The following MMP2 variants were observed in gnomAD, a reference collection of about 807,000 sequenced individuals.
MMP2 encodes matrix metallopeptidase 2, also known as 72 kDa type IV collagenase.
In MMP2, 39 loss-of-function variants were observed where a neutral mutation model predicts 74.8. That is an observed-to-expected ratio of 0.52 (90% CI 0.40 to 0.68). MMP2 has a LOEUF of 0.68. MMP2 is among the 30% of genes least tolerant of loss of function. MMP2 has a pLI of 0.00. For synonymous variants in MMP2, 367 were observed against 339.8 expected, an observed-to-expected ratio of 1.08 and a Z score of -0.88; for missense variants, 803 against 878.3, an observed-to-expected ratio of 0.91 and a Z score of 1.08.
At chr16:55,494,751 G>A (rs566323994) in intron 9 of MMP2, among the ~76,000 whole-genome samples, 1 of 152,360 alleles carries the variant, frequency 6.6e-6, no homozygotes, top group African/African-American at 2.4e-5. Flanking sequence ...ATGGAGAACT[G>A]ACATGGCAAG....
chr16:55,502,715 C>A, intron 11 of MMP2, 64 bp from the exon 12 acceptor site: 1 of 1,467,094 alleles, frequency 6.8e-7, no homozygotes, highest in South Asian at 1.1e-5. Flanking sequence ...TGCTCCCATC[C>A]AGGCCAGGGG....
In MMP2 at chr16:55,479,462, G is replaced by A; in HGVS notation, c.-18G>A. 1.3e-6 allele frequency: 2 copies of A among 1,521,170 alleles called. No homozygotes were observed. The highest frequency in any genetic ancestry group is 1.8e-6 in the Non-Finnish European group (2 of 1,135,592). The allele number at this position is 1,521,170 out of a possible 1,614,324, so 94.2% of individuals were successfully genotyped here. A position where few individuals can be genotyped will look rare whatever the true frequency, so the allele number is the denominator to read the frequency against. ...GCCAGCGACCCCCGGGCGACGCGCG[G>A]GGCCAGGGAGCGCTACGATGGAGGC... On this transcript the variant is annotated 5_prime_UTR_variant, in exon 1 of 13. Coordinates refer to ENST00000219070, the MANE Select transcript of MMP2 (RefSeq NM_004530.6).
At chr16:55,503,162 G>A (rs1962713086) in intron 12 of MMP2, among the ~76,000 whole-genome samples, 2 of 152,226 alleles carry the variant, frequency 1.3e-5, no homozygotes. Flanking sequence ...TGGGCCAGGG[G>A]AGAAGGAACA....
intron 1 of MMP2, 49 bp from the exon 2 acceptor site, chr16:55,482,860 G>T (rs769461711): frequency 1.3e-6 from 2 of 1,518,118 alleles, no homozygotes; most frequent in Non-Finnish European, 1.8e-6. Context: ...GGTCAGTACT[G>T]TGCCATCCTA....
chr16:55,481,698 G>A, intron 1 of MMP2: 1 of 588,254 alleles, frequency 1.7e-6, no homozygotes, highest in Non-Finnish European at 3.1e-6. Flanking sequence ...TGCAGTGGGG[G>A]CTTAAGAAGA....
chr16:55,505,200 C>G (rs1312092679), intron 12 of MMP2, 139 bp from the exon 13 acceptor site: 2 of 799,730 alleles, frequency 2.5e-6, no homozygotes, highest in Non-Finnish European at 4.4e-6. Flanking sequence ...AGCAATCCTC[C>G]TGCCTCAGCC....
At position 55,505,551 on chromosome 16, in the gene MMP2, C is replaced by T; in HGVS notation, c.*109C>T. ...CCTGGCAGCCGTGCCTTCAGCTCTA[C>T]AGCTAATCAGCATTCTCACTCCTAC... On this transcript the variant is annotated 3_prime_UTR_variant, in exon 13 of 13. Transcript: ENST00000219070. The T allele has an allele frequency of 2.3e-6, 2 of 864,752 alleles. No homozygotes were observed. The highest frequency in any genetic ancestry group is 3.9e-6 in the Non-Finnish European group (2 of 508,794). The allele number at this position is 864,752 out of a possible 1,614,324, so 53.6% of individuals were successfully genotyped here. A position where few individuals can be genotyped will look rare whatever the true frequency, so the allele number is the denominator to read the frequency against.
At position 55,498,283 on chromosome 16, in the gene MMP2, C is replaced by A; in HGVS notation, c.1610-6C>A. On this transcript the variant is annotated splice_region_variant and splice_polypyrimidine_tract_variant and intron_variant, in intron 10 of 12. Coordinates refer to ENST00000219070, the MANE Select transcript of MMP2 (RefSeq NM_004530.6). ...CCAGCCAACACACCCTTTGCTTCCACCCCAGGGAATGAATACTGGATCTAC... is the reference window on the plus strand; with the variant it reads ...CCAGCCAACACACCCTTTGCTTCCAACCCAGGGAATGAATACTGGATCTAC... 2.5e-6 allele frequency: 4 copies of A among 1,613,948 alleles called. No homozygotes were observed. The highest frequency in any genetic ancestry group is 3.4e-6 in the Non-Finnish European group (4 of 1,179,976).
chr16:55,493,286 A>C lies in MMP2; in HGVS notation c.1465A>C (p.Lys489Gln). Residue 489 changes from lysine to glutamine, a missense_variant, in exon 9 of 13, where the codon AAG becomes CAG. Lys to Gln is a moderately conservative substitution (Grantham distance 53, BLOSUM62 1). Coordinates refer to ENST00000219070, the MANE Select transcript of MMP2 (RefSeq NM_004530.6). ...GATCCGTGGTGAGATCTTCTTCTTC[A>C]AGGACCGGTGAGTGCAGGAGCTTGC... Reference protein sequence around the residue: ...AQIRGEIFFFKDRFIWRTVTP... With the variant: ...AQIRGEIFFFQDRFIWRTVTP... 1 of 1,614,040 alleles carries C rather than the reference A, an allele frequency of 6.2e-7. No individual in the cohort carries two copies. The highest frequency in any genetic ancestry group is 8.5e-7 in the Non-Finnish European group (1 of 1,180,020).
At chr16:55,498,565 T>G in intron 11 of MMP2, 117 bp downstream of exon 11, 1 of 1,342,544 alleles carries the variant, frequency 7.4e-7, no homozygotes, top group East Asian at 2.3e-5. Flanking sequence ...CTGGATGCCC[T>G]CTCTCTGGTA....
chr16:55,500,004 C>A (rs372282332), intron 11 of MMP2, among the ~76,000 whole-genome samples: 1 of 152,064 alleles, frequency 6.6e-6, no homozygotes, highest in South Asian at 2.1e-4. Context: ...GTCTTCTCCC[C>A]CTTCCCTCCT....
Position 55,496,964 on chromosome 16 carries a change from T to C in MMP2, c.1511T>C (p.Met504Thr). 6.2e-7 allele frequency: 1 copy of C among 1,614,138 alleles called. No homozygotes were observed. The highest frequency in any genetic ancestry group is 8.5e-7 in the Non-Finnish European group (1 of 1,180,018). ...ACTGTGACGCCACGTGACAAGCCCA[T>C]GGGGCCCCTGCTGGTGGCCACATTC... Reference protein sequence around the residue: ...WRTVTPRDKPMGPLLVATFWP... With the variant: ...WRTVTPRDKPTGPLLVATFWP... The change falls in exon 10 of 13, where the codon ATG (methionine) becomes ACG (threonine). Residue 504 changes from methionine (M) to threonine (T), a missense_variant. By Grantham distance (81) the Met-to-Thr change is moderately conservative. Around this residue, in one of 3 missense-constraint regions of MMP2, gnomAD observed 555 missense variants for 592.0 expected, o/e 0.94. Coordinates refer to ENST00000219070, the MANE Select transcript of MMP2 (RefSeq NM_004530.6).
intron 12 of MMP2, among the ~76,000 whole-genome samples, chr16:55,503,893 CT>C (rs1407397973): frequency 1.3e-5 from 2 of 152,188 alleles, no homozygotes; most frequent in Non-Finnish European, 2.9e-5. Flanking sequence ...TGGTTCACAC[CT>C]GTCATCCCAG....
chr16:55,484,389 G>T (rs1472466018), intron 3 of MMP2, among the ~76,000 whole-genome samples: 2 of 152,128 alleles, frequency 1.3e-5, no homozygotes, highest in South Asian at 2.1e-4. Flanking sequence ...TAACCTGGAG[G>T]CCGTCTAAAC....
At chr16:55,488,041 A>C (rs1289623284) in intron 5 of MMP2, 5 of 209,494 alleles carry the variant, frequency 2.4e-5, no homozygotes, top group Non-Finnish European at 4.8e-5. Flanking sequence ...TGTGTTTTGT[A>C]GTTTTTAGTT....
intron 11 of MMP2, among the ~76,000 whole-genome samples, chr16:55,501,774 A>G (rs1338879929): frequency 1.3e-5 from 2 of 152,008 alleles, no homozygotes; most frequent in Non-Finnish European, 2.9e-5. Context: ...GGAGCCCCCT[A>G]GGAGGCACTG....
At chr16:55,497,905 C>T (rs188475198) in intron 10 of MMP2, among the ~76,000 whole-genome samples, 1 of 152,300 alleles carries the variant, frequency 6.6e-6, no homozygotes, top group East Asian at 1.9e-4. Flanking sequence ...ACTATTGTCT[C>T]CACCACCTGG....
At chr16:55,486,347 CTGTGTGTGTGTGTG>C (rs57608135) in intron 5 of MMP2, among the ~76,000 whole-genome samples, 10 of 137,798 alleles carry the variant, frequency 7.3e-5, no homozygotes, top group Middle Eastern at 3.6e-3. Context: ...GTGTGTGTGC[CTGTGTGTGTGTGTG>C]TGTGTGTGTG....
intron 9 of MMP2, among the ~76,000 whole-genome samples, chr16:55,494,103 A>G (rs1268668120): frequency 6.6e-6 from 1 of 152,164 alleles, no homozygotes; most frequent in East Asian, 1.9e-4. Context: ...CCAGCCAGCC[A>G]TCTATTATCC....
Sources: gnomAD v4.1 joint callset for allele counts (sites outside exome capture counted in the v4.1 genomes callset) on GRCh38, gnomAD v4.1.1 for gene constraint, gnomAD v4.1.1 regional missense constraint, MANE v1.5 for transcripts, NCBI Gene and HGNC (gene_info 2026-07-23, HGNC 2026-07-21) for gene names.